AFDN: variants seen among roughly 807,000 people sequenced by gnomAD.
AFDN encodes the protein afadin.
A neutral mutation model predicts 216.6 loss-of-function variants in AFDN; 68 were observed. The ratio of observed to expected loss-of-function variants is 0.31; its 90% CI spans 0.26 to 0.38. The LOEUF is 0.38. AFDN is among the 10% of genes least tolerant of loss of function. AFDN has a pLI of 1.00. For missense variants in AFDN, 2,136 were observed against 2,342.0 expected, an observed-to-expected ratio of 0.91 and a Z score of 1.82; for synonymous variants, 868 against 853.7, an observed-to-expected ratio of 1.02 and a Z score of -0.29.
At chr6:167,857,127 T>C (rs1201002963) in intron 1 of AFDN, among the ~76,000 whole-genome samples, 2 of 152,080 alleles carry the variant, frequency 1.3e-5, no homozygotes, top group Non-Finnish European at 1.5e-5. Context: ...GAAAGTATCT[T>C]GAGGCTTAAA....
intron 1 of AFDN, among the ~76,000 whole-genome samples, chr6:167,832,820 A>G (rs1562520252): frequency 1.3e-5 from 2 of 152,224 alleles, no homozygotes; most frequent in East Asian, 3.8e-4. Context: ...AAAATAAGCA[A>G]TGTCAACCTT....
intron 1 of AFDN, among the ~76,000 whole-genome samples, chr6:167,835,633 G>A (rs1481221036): frequency 6.6e-6 from 1 of 152,184 alleles, no homozygotes; most frequent in Non-Finnish European, 1.5e-5. Context: ...TAAAAAATAC[G>A]TTTTGTATAT....
chr6:167,955,423 A>G (rs1460815370), intron 30 of AFDN, among the ~76,000 whole-genome samples: 1 of 152,124 alleles, frequency 6.6e-6, no homozygotes, highest in Non-Finnish European at 1.5e-5. Flanking sequence ...TACATGAAAC[A>G]AAGATTTAAA....
intron 12 of AFDN, among the ~76,000 whole-genome samples, chr6:167,905,535 C>G (rs544199395): frequency 5.9e-5 from 9 of 152,072 alleles, no homozygotes; most frequent in African/African-American, 1.9e-4. Context: ...TTTCTGGACT[C>G]TGGTATGGGT....
chr6:167,901,922 A>AT (rs1789013300), intron 11 of AFDN, among the ~76,000 whole-genome samples: 2 of 151,822 alleles, frequency 1.3e-5, no homozygotes, highest in Admixed American at 1.3e-4. Flanking sequence ...GTGAAACCCC[A>AT]TCTCTACAAA....
intron 11 of AFDN, among the ~76,000 whole-genome samples, chr6:167,902,092 C>CA (rs35449284): frequency 0.022 from 1,813 of 81,722 alleles, 31 homozygotes; most frequent in Middle Eastern, 0.056. Context: ...GACTTCATCT[C>CA]AAAAAAAAAA....
chr6:167,875,277 T>A (rs533193726), intron 4 of AFDN, 58 bp from the exon 5 acceptor site: 4 of 1,539,258 alleles, frequency 2.6e-6, no homozygotes, highest in Non-Finnish European at 3.5e-6. Context: ...TTGCAATGTG[T>A]CTATTTCTAA....
chr6:167,912,636 A>G (rs188819970), intron 15 of AFDN, among the ~76,000 whole-genome samples: 1 of 152,312 alleles, frequency 6.6e-6, no homozygotes, highest in African/African-American at 2.4e-5. Flanking sequence ...TTGTCATTCA[A>G]AGCCATTGTC....
intron 18 of AFDN, 125 bp downstream of exon 18, chr6:167,914,863 A>G (rs1318560042): frequency 2.9e-5 from 20 of 696,472 alleles, no homozygotes; most frequent in Middle Eastern, 2.4e-4. Flanking sequence ...GGGTTTGGCA[A>G]TCTTTAATAA....
chr6:167,858,342 G>A (rs890786106), intron 1 of AFDN, among the ~76,000 whole-genome samples: 1 of 152,244 alleles, frequency 6.6e-6, no homozygotes, highest in African/African-American at 2.4e-5. Context: ...ACAGCAGGCT[G>A]TGTTTTCTGG....
At chr6:167,863,706 C>T (rs371783513) in intron 1 of AFDN, 4 of 485,888 alleles carry the variant, frequency 8.2e-6, no homozygotes, top group Non-Finnish European at 1.6e-5. Flanking sequence ...TGGGAAAGGA[C>T]ATCCCACAGT....
chr6:167,922,335 T>TA (rs1295314448), intron 21 of AFDN, among the ~76,000 whole-genome samples: 1 of 152,230 alleles, frequency 6.6e-6, no homozygotes, highest in Admixed American at 6.5e-5. Context: ...AGTATGACCT[T>TA]AAAAGTAAAT....
chr6:167,911,074 T>C (rs548165654), intron 13 of AFDN, 27 bp from the exon 14 acceptor site: 6 of 1,600,074 alleles, frequency 3.7e-6, no homozygotes, highest in Non-Finnish European at 5.1e-6. Context: ...GACCTTATTT[T>C]AAGTGATGTC....
At chr6:167,949,057 A>C (rs575792068) in intron 29 of AFDN, among the ~76,000 whole-genome samples, 1 of 152,382 alleles carries the variant, frequency 6.6e-6, no homozygotes, top group South Asian at 2.1e-4. Flanking sequence ...GGGGCCAGAC[A>C]GAAGGGCTTG....
chr6:167,850,832 G>T (rs1782212558), intron 1 of AFDN, among the ~76,000 whole-genome samples: 1 of 152,062 alleles, frequency 6.6e-6, no homozygotes, highest in African/African-American at 2.4e-5. Flanking sequence ...TATATCACTG[G>T]AAATGATTTC....
At chr6:167,836,803 T>G (rs922319235) in intron 1 of AFDN, among the ~76,000 whole-genome samples, 3 of 152,204 alleles carry the variant, frequency 2.0e-5, no homozygotes, top group African/African-American at 4.8e-5. Context: ...TTGTTTTAAT[T>G]TATCAGAACA....
intron 1 of AFDN, among the ~76,000 whole-genome samples, chr6:167,861,736 T>C (rs1783596253): frequency 6.6e-6 from 1 of 152,238 alleles, no homozygotes. Context: ...CCACAGATGA[T>C]GCTTCTGTTT....
chr6:167,915,613 A>T (rs906746677), intron 19 of AFDN, among the ~76,000 whole-genome samples, 180 bp downstream of exon 19: 14 of 152,214 alleles, frequency 9.2e-5, no homozygotes, highest in African/African-American at 2.9e-4. Flanking sequence ...AGTACAGATT[A>T]TTTTTTCACT....
intron 4 of AFDN, 119 bp downstream of exon 4, chr6:167,872,496 G>T (rs1371141625): frequency 7.1e-6 from 8 of 1,128,782 alleles, no homozygotes; most frequent in Non-Finnish European, 1.0e-5. Context: ...GTCAGGAAAT[G>T]TGTTTGGGTC....
Sources: gnomAD v4.1 joint callset for allele counts (sites outside exome capture counted in the v4.1 genomes callset) on GRCh38, gnomAD v4.1.1 for gene constraint, MANE v1.5 for transcripts, NCBI Gene and HGNC (gene_info 2026-07-23, HGNC 2026-07-21) for gene names.